Variants in ANAPC1 observed in about 807,000 individuals in gnomAD.
ANAPC1 encodes anaphase-promoting complex subunit 1.
Under a neutral mutation model 208.0 loss-of-function variants are expected in ANAPC1, and 36 were observed. That is an observed-to-expected ratio of 0.17 (90% confidence interval 0.13 to 0.23). The LOEUF (loss-of-function observed/expected upper bound fraction) is 0.23. Ranked by LOEUF, ANAPC1 falls within the 10% of genes least tolerant of loss-of-function variation. The pLI, the probability that ANAPC1 is intolerant of heterozygous loss-of-function variation, is 1.00. For synonymous variants in ANAPC1, 378 were observed against 695.2 expected (o/e 0.54, Z 7.18); for missense variants, 942 against 2,011.6 (o/e 0.47, Z 10.17).
chr2:111,800,528 T>G (rs1280182476), intron 34 of ANAPC1, among the ~76,000 whole-genome samples: 2 of 116,020 alleles, frequency 1.7e-5, no homozygotes, highest in Non-Finnish European at 3.6e-5. Context: ...CATATTTAGT[T>G]TTTTCCTTTC....
chr2:111,831,824 C>CA (rs1680152027), intron 20 of ANAPC1, among the ~76,000 whole-genome samples: 1 of 24,982 alleles, frequency 4.0e-5, no homozygotes, highest in South Asian at 1.4e-3. Flanking sequence ...GAGACTCTGT[C>CA]TCAAAAAAAA....
chr2:111,868,808 C>T (rs561534650), intron 6 of ANAPC1, among the ~76,000 whole-genome samples: 1 of 152,354 alleles, frequency 6.6e-6, no homozygotes, highest in Admixed American at 6.5e-5. Context: ...GCTGGGATTA[C>T]AGGCGTGAGC....
At position 111,833,248 on chromosome 2, in the gene ANAPC1, A is replaced by G. The variant is rs148461319; in HGVS notation, c.2448T>C (p.Thr816=). 0.012 allele frequency: 19,964 copies of G among 1,600,990 alleles called. 210 individuals carry two copies. The highest frequency in any genetic ancestry group is 0.031 in the South Asian group (2,801 of 89,974). ...YYRDYPTLVR[T]TGQVCTIDPG... ...GATCAATTGTGCACACTTGTCCAGT[A>G]GTTCTGACAAGCGTTGGGTAGTCTC... The change falls in exon 20 of 48, where the codon ACT becomes ACC. Residue 816 remains threonine, a synonymous_variant. Transcript: ENST00000341068.
intron 17 of ANAPC1, among the ~76,000 whole-genome samples, chr2:111,841,168 T>C (rs1485438966): frequency 6.6e-6 from 1 of 152,024 alleles, no homozygotes; most frequent in African/African-American, 2.4e-5. Context: ...CTCACTCAGA[T>C]GGAAAATGGC....
At chr2:111,791,750 T>G (rs1243223973) in intron 38 of ANAPC1, among the ~76,000 whole-genome samples, 2 of 152,108 alleles carry the variant, frequency 1.3e-5, no homozygotes, top group African/African-American at 4.8e-5. Context: ...GAAAGGAAGA[T>G]AATAGTGATT....
chr2:111,826,756 G>C (rs1299297680), intron 21 of ANAPC1, among the ~76,000 whole-genome samples: 2 of 151,854 alleles, frequency 1.3e-5, no homozygotes, highest in African/African-American at 4.8e-5. Flanking sequence ...CGCCTCCTGG[G>C]TTCAAGCGAT....
At chr2:111,869,144 A>G (rs1682596135) in intron 6 of ANAPC1, among the ~76,000 whole-genome samples, 1 of 152,260 alleles carries the variant, frequency 6.6e-6, no homozygotes, top group South Asian at 2.1e-4. Context: ...GAGGTAAATG[A>G]TAACATTCCT....
At chr2:111,882,315 T>C (rs866235750) in intron 1 of ANAPC1, among the ~76,000 whole-genome samples, 1 of 152,218 alleles carries the variant, frequency 6.6e-6, no homozygotes, top group South Asian at 2.1e-4. Flanking sequence ...ATCCCCGTTG[T>C]TTCCGTGTAT....
At chr2:111,832,274 G>A (rs1370758264) in intron 20 of ANAPC1, among the ~76,000 whole-genome samples, 39 of 144,948 alleles carry the variant, frequency 2.7e-4, no homozygotes, top group Non-Finnish European at 4.8e-4. Flanking sequence ...CTGCACTCCC[G>A]TCTGGGCGAC....
intron 34 of ANAPC1, among the ~76,000 whole-genome samples, chr2:111,796,819 GA>G (rs889198897): frequency 2.4e-5 from 3 of 124,216 alleles, no homozygotes; most frequent in African/African-American, 1.0e-4. Context: ...AGAACCCAGA[GA>G]AAAGTGGAAG....
chr2:111,844,039 G>C (rs1463232194), intron 16 of ANAPC1, among the ~76,000 whole-genome samples: 1 of 151,904 alleles, frequency 6.6e-6, no homozygotes, highest in Non-Finnish European at 1.5e-5. Flanking sequence ...GGCCAGGCTA[G>C]TCTCAAACTC....
In ANAPC1 at chr2:111,838,439, T is replaced by G. The variant is rs553049930; in HGVS notation, c.2114A>C (p.Asp705Ala). The change falls in exon 18 of 48, where the codon GAT becomes GCT. Residue 705 changes from aspartate to alanine, a missense_variant and splice_region_variant. Transcript: ENST00000341068. ...TTAGCAAGAAATAATAATGCTTACATCATCAGATCCAGTCTCGGAAGGCCT... is the reference window on the plus strand; with the variant it reads ...TTAGCAAGAAATAATAATGCTTACAGCATCAGATCCAGTCTCGGAAGGCCT... ...KARPSETGSD[D>A]DWEYLLNSDY... 2 of 1,599,804 alleles carry G rather than the reference T, an allele frequency of 1.3e-6. No homozygotes were observed. The highest frequency in any genetic ancestry group is 2.7e-5 in the African/African-American group (2 of 74,132).
intron 6 of ANAPC1, among the ~76,000 whole-genome samples, chr2:111,871,521 TG>T (rs2104588088): frequency 6.6e-6 from 1 of 152,240 alleles, no homozygotes; most frequent in South Asian, 2.1e-4. Context: ...GAGGCCAAGG[TG>T]GGTGGATCAC....
chr2:111,789,715 C>T (rs2104519982), intron 38 of ANAPC1, among the ~76,000 whole-genome samples: 1 of 151,914 alleles, frequency 6.6e-6, no homozygotes, highest in East Asian at 1.9e-4. Context: ...TGTAGCTATG[C>T]TAAGTTTAAA....
At chr2:111,832,305 G>GAAAAAAAAA (rs11431305) in intron 20 of ANAPC1, among the ~76,000 whole-genome samples, 1 of 76,820 alleles carries the variant, frequency 1.3e-5, no homozygotes, top group Non-Finnish European at 2.8e-5. Flanking sequence ...CCTGTCTCAA[G>GAAAAAAAAA]AAAAAAAAAA....
At chr2:111,782,144 T>A (rs1476779496) in intron 43 of ANAPC1, among the ~76,000 whole-genome samples, 1 of 150,354 alleles carries the variant, frequency 6.7e-6, no homozygotes, top group Non-Finnish European at 1.5e-5. Context: ...TAACTTACAG[T>A]ATTTTACTTT....
At chr2:111,868,599 C>T (rs754553895) in intron 6 of ANAPC1, among the ~76,000 whole-genome samples, 27 of 152,146 alleles carry the variant, frequency 1.8e-4, no homozygotes, top group Admixed American at 4.6e-4. Flanking sequence ...GGCATCATCT[C>T]GGCTCACTAC....
At chr2:111,791,609 T>G (rs1408527145) in intron 38 of ANAPC1, among the ~76,000 whole-genome samples, 2 of 151,906 alleles carry the variant, frequency 1.3e-5, no homozygotes, top group East Asian at 3.9e-4. Context: ...ACATACAACA[T>G]GAATCTTACA....
chr2:111,866,718 C>T (rs1194433546), intron 7 of ANAPC1, among the ~76,000 whole-genome samples: 29 of 143,318 alleles, frequency 2.0e-4, no homozygotes, highest in Non-Finnish European at 6.0e-5. Flanking sequence ...AGCGAGACTC[C>T]GTCTCAAAAA....
Sources: allele counts gnomAD v4.1 joint callset (sites outside exome capture counted in the v4.1 genomes callset), GRCh38; gene constraint gnomAD v4.1.1; transcripts MANE v1.5; gene names NCBI Gene and HGNC (gene_info 2026-07-23, HGNC 2026-07-21).